The following CFAP251 variants were observed in gnomAD, a reference collection of about 807,000 sequenced individuals.
CFAP251 encodes cilia- and flagella-associated protein 251.
Under a neutral mutation model 126.7 loss-of-function variants are expected in CFAP251, and 93 were observed. The ratio of observed to expected loss-of-function variants is 0.73; its 90% CI spans 0.62 to 0.87. The LOEUF is 0.87. Ranked by LOEUF, CFAP251 falls within the 40% of genes least tolerant of loss-of-function variation. The probability of loss-of-function intolerance (pLI) is 0.00; values close to 1 mark genes in which losing one functional copy is unlikely to be tolerated. For missense variants in CFAP251, 1,287 were observed against 1,389.2 expected (o/e 0.93, Z 1.17); for synonymous variants, 503 against 506.9 (o/e 0.99, Z 0.10).
chr12:121,970,049 A>G (rs1369141906), intron 17 of CFAP251: 1 of 745,794 alleles, frequency 1.3e-6, no homozygotes, highest in East Asian at 1.3e-4. Flanking sequence ...AACAAACAGA[A>G]TTTCCTACTA....
At chr12:121,951,036 T>A (rs953392941) in intron 8 of CFAP251, 1 of 150,904 alleles carries the variant, frequency 6.6e-6, no homozygotes, top group Non-Finnish European at 1.5e-5. Context: ...CTGGCCAACA[T>A]GGCAAAACCC....
Position 121,921,283 on chromosome 12 carries a change from TA to T in CFAP251, c.-20-2del, listed in dbSNP as rs1424342806. 1.3e-6 allele frequency: 2 copies of T among 1,551,272 alleles called. No individual in the cohort carries two copies. The highest frequency in any genetic ancestry group is 1.7e-6 in the Non-Finnish European group (2 of 1,156,790). ...CTGGTTATTATGGTCAAAATCTCTCTAGAGGAAACTCTACAGAGAAGAATGT... is the reference window on the plus strand; with the variant it reads ...CTGGTTATTATGGTCAAAATCTCTCTGAGGAAACTCTACAGAGAAGAATGT... On this transcript the variant is annotated splice_acceptor_variant, in intron 1 of 21. Transcript: ENST00000288912. LOFTEE classifies it low-confidence loss of function (5UTR_SPLICE).
chr12:121,940,749 A>G (rs1248478949), intron 5 of CFAP251, among the ~76,000 whole-genome samples: 1 of 152,192 alleles, frequency 6.6e-6, no homozygotes, highest in East Asian at 1.9e-4. Flanking sequence ...GGAATCATAC[A>G]GCTCTAAGGT....
chr12:121,939,506 A>G (rs1350554271), intron 5 of CFAP251, among the ~76,000 whole-genome samples: 1 of 152,150 alleles, frequency 6.6e-6, no homozygotes, highest in Non-Finnish European at 1.5e-5. Flanking sequence ...TTCACCAGAC[A>G]GAGCTGCCCC....
intron 3 of CFAP251, among the ~76,000 whole-genome samples, chr12:121,927,452 C>T (rs538120073): frequency 1.2e-4 from 18 of 152,192 alleles, no homozygotes; most frequent in African/African-American, 4.1e-4. Flanking sequence ...CACGCACCAC[C>T]ATACCCAGCT....
chr12:121,961,834 T>C, intron 14 of CFAP251, 144 bp from the exon 15 acceptor site: 1 of 781,574 alleles, frequency 1.3e-6, no homozygotes, highest in South Asian at 1.8e-5. Context: ...GCAAGTCTTC[T>C]CTTAGGAGAC....
chr12:121,952,025 A>G (rs1881546623), intron 9 of CFAP251, among the ~76,000 whole-genome samples: 2 of 151,936 alleles, frequency 1.3e-5, no homozygotes, highest in Non-Finnish European at 2.9e-5. Context: ...CCTGGCCCTA[A>G]TAAAATGTTA....
At position 121,960,664 on chromosome 12, in the gene CFAP251, G is replaced by T. The variant is rs200928405; in HGVS notation, c.2213G>T (p.Arg738Leu). ...GTCTGGGAGTACTTAGCAAGACTTC[G>T]CTCTCATCGCAAAAGCATTCGAAGT... is the stretch of plus-strand genomic sequence containing the variant. ...QRVWEYLARL[R>L]SHRKSIRSLL... The change falls in exon 14 of 22, where the codon CGC (arginine) becomes CTC (leucine). Residue 738 changes from arginine to leucine, a missense_variant. Coordinates refer to ENST00000288912, the MANE Select transcript of CFAP251 (RefSeq NM_144668.6). 6.2e-7 allele frequency: 1 copy of T among 1,613,964 alleles called. No individual in the cohort carries two copies.
intron 7 of CFAP251, among the ~76,000 whole-genome samples, 194 bp downstream of exon 7, chr12:121,943,169 T>C (rs1205838008): frequency 6.6e-6 from 1 of 152,004 alleles, no homozygotes; most frequent in Non-Finnish European, 1.5e-5. Flanking sequence ...AAAAATTCCC[T>C]GGGTGTGGTG....
intron 5 of CFAP251, among the ~76,000 whole-genome samples, chr12:121,940,162 C>T (rs1881052684): frequency 6.6e-6 from 1 of 152,138 alleles, no homozygotes; most frequent in Non-Finnish European, 1.5e-5. Context: ...AATCTGTTAG[C>T]AACTCTGGTA....
chr12:121,927,440 G>A (rs1245126655), intron 3 of CFAP251, among the ~76,000 whole-genome samples: 1 of 151,960 alleles, frequency 6.6e-6, no homozygotes, highest in East Asian at 1.9e-4. Context: ...TGGGATTATA[G>A]GCACGCACCA....
intron 15 of CFAP251, among the ~76,000 whole-genome samples, chr12:121,964,307 T>G (rs1370368023): frequency 6.6e-6 from 1 of 152,180 alleles, no homozygotes; most frequent in Non-Finnish European, 1.5e-5. Flanking sequence ...AAAGAGGAGC[T>G]TTAGAAAGAT....
At chr12:121,931,292 T>G (rs1408990095) in intron 3 of CFAP251, among the ~76,000 whole-genome samples, 1 of 152,188 alleles carries the variant, frequency 6.6e-6, no homozygotes, top group African/African-American at 2.4e-5. Flanking sequence ...TTTTTTTAAA[T>G]TGTGGTAAAA....
chr12:121,987,883 A>G (rs974759281), intron 19 of CFAP251, among the ~76,000 whole-genome samples: 6 of 152,122 alleles, frequency 3.9e-5, no homozygotes, highest in Non-Finnish European at 7.4e-5. Context: ...GTTCCTACGT[A>G]TGTATGAGTT....
chr12:121,960,230 G>C (rs1310781087), intron 13 of CFAP251, among the ~76,000 whole-genome samples: 2 of 152,012 alleles, frequency 1.3e-5, no homozygotes, highest in African/African-American at 4.8e-5. Context: ...AATATTCTTA[G>C]TATTTTTTTT....
At chr12:121,993,952 C>G (rs1468769169) in intron 19 of CFAP251, among the ~76,000 whole-genome samples, 4 of 109,586 alleles carry the variant, frequency 3.7e-5, no homozygotes, top group South Asian at 6.1e-4. Context: ...GCCCGGCCAG[C>G]ACCCCGTCCG....
intron 9 of CFAP251, 67 bp from the exon 10 acceptor site, chr12:121,954,053 T>C (rs1038127650): frequency 6.8e-6 from 9 of 1,314,872 alleles, no homozygotes; most frequent in Admixed American, 5.7e-5. Context: ...TTATAAAATA[T>C]CGTATTGATA....
chr12:121,958,637 C>G (rs1881815080), intron 12 of CFAP251, 115 bp downstream of exon 12: 1 of 1,489,170 alleles, frequency 6.7e-7, no homozygotes, highest in African/African-American at 1.4e-5. Flanking sequence ...CCCCAGCAGG[C>G]TGGATGAGGC....
intron 17 of CFAP251, 37 bp from the exon 18 acceptor site, chr12:121,975,207 G>A: frequency 1.3e-6 from 2 of 1,587,478 alleles, no homozygotes; most frequent in Non-Finnish European, 1.7e-6. Flanking sequence ...TCATGCTTGA[G>A]CGCTTTCTAA....
Sources: allele counts gnomAD v4.1 joint callset (sites outside exome capture counted in the v4.1 genomes callset), GRCh38; gene constraint gnomAD v4.1.1; transcripts MANE v1.5; gene names NCBI Gene and HGNC (gene_info 2026-07-23, HGNC 2026-07-21).